The following PIK3CD variants were observed in gnomAD, a reference collection of about 807,000 sequenced individuals.
PIK3CD encodes the protein phosphatidylinositol 4,5-bisphosphate 3-kinase catalytic subunit delta isoform.
A neutral mutation model predicts 122.9 loss-of-function variants in PIK3CD; 20 were observed. The observed-to-expected ratio is 0.16, with a 90% CI of 0.11 to 0.24. The LOEUF (loss-of-function observed/expected upper bound fraction) is 0.24. Ranked by LOEUF, PIK3CD falls within the 10% of genes least tolerant of loss-of-function variation. The pLI, the probability that PIK3CD is intolerant of heterozygous loss-of-function variation, is 1.00. For synonymous variants in PIK3CD, 596 were observed against 593.4 expected, an observed-to-expected ratio of 1.00 and a Z score of -0.06; for missense variants, 787 against 1,406.3, an observed-to-expected ratio of 0.56 and a Z score of 7.04.
chr1:9,721,610 T>G, intron 15 of PIK3CD, 23 bp downstream of exon 15: 1 of 1,612,124 alleles, frequency 6.2e-7, no homozygotes, highest in East Asian at 2.2e-5. Flanking sequence ...GCCCCAGCCG[T>G]TCTGTGGGAA....
chr1:9,654,969 A>G (rs1055203428), intron 1 of PIK3CD, among the ~76,000 whole-genome samples: 36 of 151,304 alleles, frequency 2.4e-4, no homozygotes, highest in African/African-American at 8.8e-4. Flanking sequence ...TGGGAGGTGG[A>G]GGCAGGAGAA....
At chr1:9,675,161 G>A (rs553962212) in intron 1 of PIK3CD, among the ~76,000 whole-genome samples, 69 of 151,726 alleles carry the variant, frequency 4.5e-4, no homozygotes, top group African/African-American at 1.5e-3. Context: ...CGAGGCGGGC[G>A]GATCACGAGG....
intron 1 of PIK3CD, among the ~76,000 whole-genome samples, chr1:9,684,334 C>A (rs1361116992): frequency 6.6e-6 from 1 of 151,972 alleles, no homozygotes; most frequent in African/African-American, 2.4e-5. Flanking sequence ...GTCAGGAGTT[C>A]GAGACCAGCC....
intron 1 of PIK3CD, among the ~76,000 whole-genome samples, chr1:9,656,942 C>CA (rs56008596): frequency 0.013 from 1,490 of 114,946 alleles, 16 homozygotes; most frequent in Non-Finnish European, 0.019. Flanking sequence ...GACTCCATCT[C>CA]AAAAAAAAAA....
intron 2 of PIK3CD, among the ~76,000 whole-genome samples, chr1:9,707,759 G>A (rs12075554): frequency 0.19 from 28,434 of 151,224 alleles, 3,805 homozygotes; most frequent in South Asian, 0.39. Context: ...CTAAAGCCAT[G>A]TGTGTATTCG....
intron 2 of PIK3CD, among the ~76,000 whole-genome samples, chr1:9,702,041 C>G (rs2100644155): frequency 6.6e-6 from 1 of 151,254 alleles, no homozygotes; most frequent in Non-Finnish European, 1.5e-5. Flanking sequence ...GTTGCCCAGG[C>G]TGAAGTGCAG....
chr1:9,718,747 G>A lies in PIK3CD; in HGVS notation c.1074G>A (p.Val358=). The A allele has an allele frequency of 3.7e-6, 6 of 1,609,596 alleles. No individual in the cohort carries two copies. Among genetic ancestry groups the A allele is most frequent in the Non-Finnish European group, 5.1e-6 (6 of 1,179,916 alleles). Residue 358 remains valine (V), a synonymous_variant, in exon 9 of 24, where the codon GTG becomes GTA. Coordinates refer to ENST00000377346, the MANE Select transcript of PIK3CD (RefSeq NM_005026.5). This position sits in a 1 kb window ranked among gnomAD's most constrained non-coding sequence, Gnocchi z 7.2. Reference sequence around the variant, plus strand: ...GCAACGAGATGCTGTGCAAGACGGTGTCCAGCTCGGAGGTGAGCGTGTGCT... The same window carrying A: ...GCAACGAGATGCTGTGCAAGACGGTATCCAGCTCGGAGGTGAGCGTGTGCT... ...FHGNEMLCKT[V]SSSEVSVCSE...
chr1:9,644,597 CT>C, the PIK3CD span, among the ~76,000 whole-genome samples: 1 of 152,078 alleles, frequency 6.6e-6, no homozygotes, highest in African/African-American at 2.4e-5. Flanking sequence ...CTTCAAGTTC[CT>C]GATAGAATCG....
Position 9,715,452 on chromosome 1 carries a change from G to T in PIK3CD, c.142-89G>T, listed in dbSNP as rs1237466964. On this transcript the variant is annotated intron_variant, in intron 3 of 23. Coordinates refer to ENST00000377346, the MANE Select transcript of PIK3CD (RefSeq NM_005026.5). The surrounding 1 kb of genome is among the most constrained non-coding windows in gnomAD (Gnocchi z 4.1). ...CCCTCTGGGAGGTTTGGACCCCCAG[G>T]CTGGAGGCCAGCTCTCCACCCTCCC... 8.6e-6 allele frequency: 10 copies of T among 1,162,286 alleles called. 1 individual carries two copies. The Middle Eastern group carries it at 1.0e-3, about 119-fold the overall frequency. 72.0% of individuals were successfully genotyped at this position (1,162,286 alleles called of 1,614,324 possible).
At chr1:9,662,381 C>T (rs1176168291) in intron 1 of PIK3CD, 4 of 172,364 alleles carry the variant, frequency 2.3e-5, no homozygotes, top group South Asian at 1.6e-4. Context: ...CGTGGACAGT[C>T]GTGCCATTAG....
chr1:9,643,439 A>G, the PIK3CD span, among the ~76,000 whole-genome samples: 1 of 101,818 alleles, frequency 9.8e-6, no homozygotes, highest in Non-Finnish European at 1.8e-5. Flanking sequence ...AGAGAGAGAG[A>G]GGGGAAGGAA....
intron 1 of PIK3CD, among the ~76,000 whole-genome samples, chr1:9,678,591 T>C (rs897204244): frequency 2.0e-5 from 3 of 152,204 alleles, no homozygotes; most frequent in African/African-American, 7.2e-5. Flanking sequence ...AAAAGGCTCT[T>C]TCATCCACAG....
chr1:9,629,130 G>A, the PIK3CD span, among the ~76,000 whole-genome samples: 1 of 152,132 alleles, frequency 6.6e-6, no homozygotes, highest in Non-Finnish European at 1.5e-5. Context: ...CGCCTCTAAG[G>A]ACTGGGGCTG....
chr1:9,702,874 A>C (rs1646700578), intron 2 of PIK3CD, among the ~76,000 whole-genome samples: 1 of 152,192 alleles, frequency 6.6e-6, no homozygotes, highest in African/African-American at 2.4e-5. Flanking sequence ...GTGCAGCTGC[A>C]GTAATGAAAA....
rs1436410470 is a variant in PIK3CD, at chr1:9,715,274, A to C, written c.142-267A>C. The stretch of plus-strand genomic sequence containing the variant: ...CTGGAGTGACCTAGGGTGGTCCTGC[A>C]CTCTGGGAGGGGAGCCTGTAGGACG... On this transcript the variant is annotated intron_variant, in intron 3 of 23. Transcript: ENST00000377346. This position sits in a 1 kb window ranked among gnomAD's most constrained non-coding sequence, Gnocchi z 4.1. 6.6e-6 allele frequency among the ~76,000 whole-genome samples: 1 copy of C among 152,110 alleles called. No homozygotes were observed. The highest frequency in any genetic ancestry group is 6.5e-5 in the Admixed American group (1 of 15,280).
At chr1:9,645,974 G>A in the PIK3CD span, among the ~76,000 whole-genome samples, 3 of 151,122 alleles carry the variant, frequency 2.0e-5, no homozygotes, top group Non-Finnish European at 1.5e-5. Context: ...GTTTTGTCAC[G>A]TTGGCCAGGC....
chr1:9,716,987 T>C lies in PIK3CD; in HGVS notation c.809T>C (p.Leu270Ser). Residue 270 changes from leucine to serine, a missense_variant, in exon 7 of 24, where the codon TTG becomes TCG. Leu to Ser is a moderately radical substitution (Grantham distance 145). This residue lies in a region of PIK3CD where 592 missense variants were observed against 920.6 expected (regional missense o/e 0.64). Transcript: ENST00000377346. ...QYICSCLHSG[L>S]TPHLTMVHSS... is the part of the protein sequence containing the mutation. Reference sequence around the variant, plus strand: ...ATCTGCAGCTGCCTGCACAGTGGGTTGACCCCTCACCTGACCATGGTCCAT... The same window carrying C: ...ATCTGCAGCTGCCTGCACAGTGGGTCGACCCCTCACCTGACCATGGTCCAT... 1 of 1,613,896 alleles carries C rather than the reference T, an allele frequency of 6.2e-7. No individual in the cohort carries two copies. The highest frequency in any genetic ancestry group is 8.5e-7 in the Non-Finnish European group (1 of 1,180,022).
intron 1 of PIK3CD, among the ~76,000 whole-genome samples, chr1:9,655,697 C>CTTTTTTTTTTT (rs576002642): frequency 8.3e-6 from 1 of 120,762 alleles, no homozygotes; most frequent in Admixed American, 9.2e-5. Flanking sequence ...CTTTTTTCTT[C>CTTTTTTTTTTT]TTTTTTTTTT....
intron 1 of PIK3CD, among the ~76,000 whole-genome samples, chr1:9,672,003 T>C (rs1645343570): frequency 6.6e-6 from 1 of 152,106 alleles, no homozygotes; most frequent in South Asian, 2.1e-4. Flanking sequence ...CAGGAGCCCT[T>C]GTGCTGCGGG....
Sources: gnomAD v4.1 joint callset for allele counts (sites outside exome capture counted in the v4.1 genomes callset) on GRCh38, gnomAD v4.1.1 for gene constraint, gnomAD v4.1.1 regional missense constraint, Gnocchi (gnomAD v3.1) non-coding constraint, MANE v1.5 for transcripts, NCBI Gene and HGNC (gene_info 2026-07-23, HGNC 2026-07-21) for gene names.